The following PCDHGB4 variants were observed in gnomAD, a reference collection of about 807,000 sequenced individuals.
The protein encoded by PCDHGB4 is protocadherin gamma subfamily B, 4, also known as protocadherin gamma-B4.
In PCDHGB4, 38 loss-of-function variants were observed where a neutral mutation model predicts 60.5. The ratio of observed to expected loss-of-function variants is 0.63; its 90% CI spans 0.48 to 0.82. PCDHGB4 has a LOEUF of 0.82. Ranked by LOEUF, PCDHGB4 falls within the 40% of genes least tolerant of loss-of-function variation. The probability of loss-of-function intolerance (pLI) is 0.00; values close to 1 mark genes in which losing one functional copy is unlikely to be tolerated. For missense variants in PCDHGB4, 1,109 were observed against 1,209.6 expected, an observed-to-expected ratio of 0.92 and a Z score of 1.23; for synonymous variants, 456 against 509.7, an observed-to-expected ratio of 0.89 and a Z score of 1.42.
Position 141,489,087 on chromosome 5 carries a change from TGA to T in PCDHGB4, c.2398-5719_2398-5718del. The T allele has an allele frequency of 4.6e-6, 1 of 216,098 alleles. No individual in the cohort carries two copies. 13.4% of individuals were successfully genotyped at this position (216,098 alleles called of 1,614,324 possible). ...CCCCCTGCCCACCCCCGCCACTCGGTGACTAAGAACTGCTGCAAGCAGGCAAA... is the reference window on the plus strand; with the variant it reads ...CCCCCTGCCCACCCCCGCCACTCGGTCTAAGAACTGCTGCAAGCAGGCAAA... On this transcript the variant is annotated intron_variant, in intron 1 of 3. Transcript: ENST00000519479. The surrounding 1 kb of genome is among the most constrained non-coding windows in gnomAD (Gnocchi z 4.5).
intron 1 of PCDHGB4, chr5:141,415,449 C>G: frequency 6.2e-7 from 1 of 1,614,182 alleles, no homozygotes; most frequent in Admixed American, 1.7e-5. Context: ...AGACCTATTC[C>G]CACGAGGTCT....
chr5:141,419,981 A>G (rs2096455772), intron 1 of PCDHGB4: 2 of 1,613,934 alleles, frequency 1.2e-6, no homozygotes, highest in East Asian at 2.2e-5. Flanking sequence ...CCTCGCGGTG[A>G]TTCTAGCTAT....
In PCDHGB4 at chr5:141,432,645, C is replaced by A. The variant is rs758701539; in HGVS notation, c.2397+42364C>A. ...CTGCACACGGGCGAGGTGCGCACGG[C>A]GCGAGCCCTGCTGGACAGAGACGCG... On this transcript the variant is annotated intron_variant, in intron 1 of 3. Coordinates refer to ENST00000519479, the MANE Select transcript of PCDHGB4 (RefSeq NM_003736.4). This position sits in a 1 kb window ranked among gnomAD's most constrained non-coding sequence, Gnocchi z 6.0. The A allele has an allele frequency of 1.2e-5, 20 of 1,613,628 alleles. No individual in the cohort carries two copies. The highest frequency in any genetic ancestry group is 1.6e-4 in the Middle Eastern group (1 of 6,066).
In PCDHGB4 at chr5:141,477,629, C is replaced by A. The variant is rs1191573380; in HGVS notation, c.2398-17178C>A. The A allele has an allele frequency of 6.2e-7, 1 of 1,614,040 alleles. No individual in the cohort carries two copies. The highest frequency in any genetic ancestry group is 8.5e-7 in the Non-Finnish European group (1 of 1,180,040). ...CTTGGAGCAAGGAGCTGAAACCGGGCTAGTGGGTCGCTATTTCACAATAAA... is the reference window on the plus strand; with the variant it reads ...CTTGGAGCAAGGAGCTGAAACCGGGATAGTGGGTCGCTATTTCACAATAAA... On this transcript the variant is annotated intron_variant, in intron 1 of 3. Coordinates refer to ENST00000519479, the MANE Select transcript of PCDHGB4 (RefSeq NM_003736.4). The surrounding 1 kb of genome is among the most constrained non-coding windows in gnomAD (Gnocchi z 4.9).
rs770828917 is a variant in PCDHGB4 at position 141,431,306 on chromosome 5, C to G, written c.2397+41025C>G. ...GAACACTCACTTCTCCCTCATCGTG[C>G]AAAATGGAGCCGACGGTAGTAAGTA... On this transcript the variant is annotated intron_variant, in intron 1 of 3. Transcript: ENST00000519479. The surrounding 1 kb of genome is among the most constrained non-coding windows in gnomAD (Gnocchi z 4.8). 6.2e-7 allele frequency: 1 copy of G among 1,614,124 alleles called. No homozygotes were observed. The highest frequency in any genetic ancestry group is 2.2e-5 in the East Asian group (1 of 44,878).
chr5:141,400,593 T>C (rs768255831), intron 1 of PCDHGB4: 1 of 1,602,992 alleles, frequency 6.2e-7, no homozygotes, highest in Admixed American at 1.7e-5. Flanking sequence ...GAAACTATCG[T>C]ACATTTTCAA....
chr5:141,441,672 GCCTTCGA>G (rs1327551430), intron 1 of PCDHGB4: 1 of 290,468 alleles, frequency 3.4e-6, no homozygotes, highest in Non-Finnish European at 6.8e-6. Flanking sequence ...CGCACAGTGC[GCCTTCGA>G]CCAAGAGCAG....
At chr5:141,408,896 G>A (rs1441378199) in intron 1 of PCDHGB4, 5 of 1,613,328 alleles carry the variant, frequency 3.1e-6, no homozygotes, top group East Asian at 2.2e-5. Flanking sequence ...AGAAATTTCT[G>A]TCAAGGATAC....
At chr5:141,466,583 C>T (rs2099125595) in intron 1 of PCDHGB4, among the ~76,000 whole-genome samples, 1 of 152,184 alleles carries the variant, frequency 6.6e-6, no homozygotes, top group Admixed American at 6.6e-5. Flanking sequence ...CTCATCCCTT[C>T]TTAAAACAAG....
chr5:141,473,382 C>T (rs780229708), intron 1 of PCDHGB4, among the ~76,000 whole-genome samples: 3 of 152,190 alleles, frequency 2.0e-5, no homozygotes, highest in Non-Finnish European at 4.4e-5. Context: ...TGGTCCCTGC[C>T]CTCCTGGAGC....
At position 141,393,422 on chromosome 5, in the gene PCDHGB4, G is replaced by C. The variant is rs552855100; in HGVS notation, c.2397+3141G>C. 12 of 1,614,042 alleles carry C rather than the reference G, an allele frequency of 7.4e-6. No individual in the cohort carries two copies. The East Asian group carries it at 2.7e-4, about 36-fold the overall frequency. On this transcript the variant is annotated intron_variant, in intron 1 of 3. Coordinates refer to ENST00000519479, the MANE Select transcript of PCDHGB4 (RefSeq NM_003736.4). ...TGCTGGAGCGCGCCCTGGACAGGGA[G>C]GAAGAGGCTGCTCACCACCTGGTCC...
At position 141,487,741 on chromosome 5, in the gene PCDHGB4, A is replaced by C. The variant is rs773413559; in HGVS notation, c.2398-7066A>C. 1.6e-4 allele frequency: 247 copies of C among 1,561,638 alleles called. 1 individual carries two copies. The highest frequency in any genetic ancestry group is 2.1e-4 in the Non-Finnish European group (244 of 1,151,698). On this transcript the variant is annotated intron_variant, in intron 1 of 3. Coordinates refer to ENST00000519479, the MANE Select transcript of PCDHGB4 (RefSeq NM_003736.4). This position sits in a 1 kb window ranked among gnomAD's most constrained non-coding sequence, Gnocchi z 5.0. ...ATAGTGATGTCACCATTTTTGTAAG[A>C]GGTAACTATGTGGTAGACGCTGTGC... is the stretch of plus-strand genomic sequence containing the variant.
intron 1 of PCDHGB4, chr5:141,428,419 C>G: frequency 4.4e-6 from 2 of 451,920 alleles, no homozygotes; most frequent in Non-Finnish European, 4.1e-6. Flanking sequence ...TCACCCTGGT[C>G]TCTGTTCTAA....
At chr5:141,405,545 AAGTAGAGTAGCTGGGACTAG>A (rs1053729516) in intron 1 of PCDHGB4, 17 of 631,162 alleles carry the variant, frequency 2.7e-5, no homozygotes, top group African/African-American at 9.2e-5. Flanking sequence ...TCAGCCTCCC[AAGTAGAGTAGCTGGGACTAG>A]AGTAGAGTAG....
intron 1 of PCDHGB4, among the ~76,000 whole-genome samples, chr5:141,451,403 G>A (rs2154563571): frequency 6.6e-6 from 1 of 152,288 alleles, no homozygotes; most frequent in South Asian, 2.1e-4. Context: ...GCAAAATTAA[G>A]TTCCTTGTGG....
At chr5:141,467,060 T>C (rs1304506319) in intron 1 of PCDHGB4, among the ~76,000 whole-genome samples, 1 of 151,520 alleles carries the variant, frequency 6.6e-6, no homozygotes, top group Non-Finnish European at 1.5e-5. Context: ...GTTTTCTTTT[T>C]TTTTTTTTTT....
Position 141,485,243 on chromosome 5 carries a change from C to A in PCDHGB4, c.2398-9564C>A. ...TACCCTTTTGTTCCTCTTTTACCACCTGGGTTACGTTTGTGGGCAGATCCG... is the reference window on the plus strand; with the variant it reads ...TACCCTTTTGTTCCTCTTTTACCACATGGGTTACGTTTGTGGGCAGATCCG... On this transcript the variant is annotated intron_variant, in intron 1 of 3. Transcript: ENST00000519479. This position sits in a 1 kb window ranked among gnomAD's most constrained non-coding sequence, Gnocchi z 5.7. 1 of 1,614,180 alleles carries A rather than the reference C, an allele frequency of 6.2e-7. No homozygotes were observed. The highest frequency in any genetic ancestry group is 8.5e-7 in the Non-Finnish European group (1 of 1,180,000).
intron 3 of PCDHGB4, among the ~76,000 whole-genome samples, chr5:141,509,056 G>A (rs1303823294): frequency 1.3e-5 from 2 of 152,178 alleles, no homozygotes; most frequent in Admixed American, 6.5e-5. Context: ...CCCCCAGAAA[G>A]CTCTCAGCTC....
At chr5:141,505,599 G>T in intron 3 of PCDHGB4, 118 bp downstream of exon 3, 1 of 1,555,586 alleles carries the variant, frequency 6.4e-7, no homozygotes, top group Non-Finnish European at 8.7e-7. Context: ...CAGATCTTTC[G>T]GCAGGTCTGA....
Sources: gnomAD v4.1 joint callset for allele counts (sites outside exome capture counted in the v4.1 genomes callset) on GRCh38, gnomAD v4.1.1 for gene constraint, Gnocchi (gnomAD v3.1) non-coding constraint, MANE v1.5 for transcripts, NCBI Gene and HGNC (gene_info 2026-07-23, HGNC 2026-07-21) for gene names.